The following ROR1 variants were observed in gnomAD, a reference collection of about 807,000 sequenced individuals.
The protein encoded by ROR1 is inactive tyrosine-protein kinase transmembrane receptor ROR1.
A neutral mutation model predicts 78.8 loss-of-function variants in ROR1; 19 were observed. That is an observed-to-expected ratio of 0.24 (90% CI 0.17 to 0.35). The LOEUF (loss-of-function observed/expected upper bound fraction) is 0.35. Among genes scored for constraint, ROR1 ranks in the 10% least tolerant of loss-of-function variants. The pLI is 1.00. For synonymous variants in ROR1, 386 were observed against 433.6 expected, an observed-to-expected ratio of 0.89 and a Z score of 1.36; for missense variants, 917 against 1,177.8, an observed-to-expected ratio of 0.78 and a Z score of 3.24.
chr1:63,905,213 G>C (rs986633727), intron 1 of ROR1, among the ~76,000 whole-genome samples: 2 of 152,110 alleles, frequency 1.3e-5, no homozygotes, highest in South Asian at 4.2e-4. Context: ...TAGTGCAGTT[G>C]AACTAGGAAT....
chr1:63,994,567 G>C (rs76944023), intron 1 of ROR1, among the ~76,000 whole-genome samples: 1 of 152,162 alleles, frequency 6.6e-6, no homozygotes, highest in African/African-American at 2.4e-5. Flanking sequence ...CAATGGAGAA[G>C]GCTTGTGGGG....
chr1:63,861,557 A>T (rs1288907544), intron 1 of ROR1, among the ~76,000 whole-genome samples: 1 of 152,194 alleles, frequency 6.6e-6, no homozygotes, highest in African/African-American at 2.4e-5. Flanking sequence ...TCTGTAGGAA[A>T]TACCACTGCC....
At chr1:64,131,888 G>A (rs898761632) in intron 4 of ROR1, among the ~76,000 whole-genome samples, 4 of 152,068 alleles carry the variant, frequency 2.6e-5, no homozygotes, top group Non-Finnish European at 4.4e-5. Flanking sequence ...CCTAAAGTGC[G>A]GGGATTATAG....
chr1:64,066,451 G>A (rs959626356), intron 4 of ROR1, among the ~76,000 whole-genome samples: 1 of 151,800 alleles, frequency 6.6e-6, no homozygotes, highest in Non-Finnish European at 1.5e-5. Context: ...CCAAGTAGCT[G>A]GGACTACAGG....
chr1:63,888,203 G>GA (rs1013596592), intron 1 of ROR1, among the ~76,000 whole-genome samples: 3 of 152,052 alleles, frequency 2.0e-5, no homozygotes, highest in East Asian at 1.9e-4. Flanking sequence ...TATTTACATA[G>GA]AAAAAAATCT....
intron 1 of ROR1, among the ~76,000 whole-genome samples, chr1:63,989,014 A>G (rs1646273249): frequency 6.6e-6 from 1 of 152,124 alleles, no homozygotes; most frequent in Admixed American, 6.6e-5. Context: ...CCAGAAGTGG[A>G]ATTCCTAGAT....
At chr1:64,014,934 T>G (rs890366093) in intron 2 of ROR1, among the ~76,000 whole-genome samples, 1 of 149,936 alleles carries the variant, frequency 6.7e-6, no homozygotes, top group Non-Finnish European at 1.5e-5. Flanking sequence ...ATGTATCTGT[T>G]ACTGTATTAA....
intron 1 of ROR1, among the ~76,000 whole-genome samples, chr1:63,916,914 C>T (rs1211888068): frequency 6.6e-6 from 1 of 152,228 alleles, no homozygotes; most frequent in Non-Finnish European, 1.5e-5. Flanking sequence ...ATTCTCTCTG[C>T]AGTTGCTCAG....
intron 1 of ROR1, chr1:63,789,421 C>T (rs745405173): frequency 1.3e-5 from 4 of 316,418 alleles, no homozygotes; most frequent in African/African-American, 8.6e-5. Context: ...TGCCTGCTGT[C>T]GGGACTGGGC....
At chr1:63,893,532 G>A (rs1279870851) in intron 1 of ROR1, among the ~76,000 whole-genome samples, 1 of 152,202 alleles carries the variant, frequency 6.6e-6, no homozygotes, top group Non-Finnish European at 1.5e-5. Flanking sequence ...CATTTCAAGA[G>A]TATCCTTCAT....
intron 4 of ROR1, among the ~76,000 whole-genome samples, chr1:64,092,114 TC>T (rs1647203624): frequency 1.5e-5 from 1 of 66,752 alleles, no homozygotes; most frequent in African/African-American, 5.3e-5. Context: ...CCTCCCTCCC[TC>T]CCTCCCTTCC....
intron 1 of ROR1, among the ~76,000 whole-genome samples, chr1:63,944,379 G>A (rs151115482): frequency 1.3e-5 from 2 of 152,314 alleles, no homozygotes; most frequent in African/African-American, 4.8e-5. Context: ...TGCGGAAAGA[G>A]ATCCAATCGG....
chr1:64,065,986 A>G (rs529285759), intron 4 of ROR1, among the ~76,000 whole-genome samples: 2 of 152,338 alleles, frequency 1.3e-5, no homozygotes, highest in Admixed American at 1.3e-4. Flanking sequence ...AACTTGAACA[A>G]TGGTAAAGTC....
intron 1 of ROR1, among the ~76,000 whole-genome samples, chr1:63,795,773 T>A (rs921054974): frequency 6.6e-6 from 1 of 152,238 alleles, no homozygotes; most frequent in African/African-American, 2.4e-5. Flanking sequence ...TGGAATAGCC[T>A]TATCTTCTGC....
intron 2 of ROR1, among the ~76,000 whole-genome samples, chr1:64,031,652 T>A (rs1328829827): frequency 6.6e-6 from 1 of 152,244 alleles, no homozygotes; most frequent in Non-Finnish European, 1.5e-5. Flanking sequence ...GTCTGTGGCA[T>A]CTTATATTTG....
At chr1:64,096,444 G>A (rs1647302786) in intron 4 of ROR1, among the ~76,000 whole-genome samples, 1 of 152,042 alleles carries the variant, frequency 6.6e-6, no homozygotes, top group Admixed American at 6.6e-5. Flanking sequence ...ATGTGTCCAT[G>A]TGTTCTCATC....
intron 1 of ROR1, among the ~76,000 whole-genome samples, chr1:63,836,914 T>C (rs1645021540): frequency 6.6e-6 from 1 of 152,180 alleles, no homozygotes; most frequent in Admixed American, 6.5e-5. Context: ...TAGAGGTACC[T>C]CTTATAGCGA....
Position 64,009,301 on chromosome 1 carries a change from T to G in ROR1, c.92-4T>G. Reference sequence around the variant, plus strand: ...TTTCTCCCTTCCCTTCTTTTTCTTTTCAGAAACAGAGCTGTCAGTCAGTGC... The same window carrying G: ...TTTCTCCCTTCCCTTCTTTTTCTTTGCAGAAACAGAGCTGTCAGTCAGTGC... On this transcript the variant is annotated splice_region_variant and splice_polypyrimidine_tract_variant and intron_variant, in intron 1 of 8. Coordinates refer to ENST00000371079, the MANE Select transcript of ROR1 (RefSeq NM_005012.4). 5 of 1,609,446 alleles carry G rather than the reference T, an allele frequency of 3.1e-6. No individual in the cohort carries two copies. Among genetic ancestry groups the G allele is most frequent in the Non-Finnish European group, 4.3e-6 (5 of 1,175,774 alleles).
intron 1 of ROR1, among the ~76,000 whole-genome samples, chr1:63,902,458 C>G (rs1450115030): frequency 6.6e-6 from 1 of 151,944 alleles, no homozygotes; most frequent in Non-Finnish European, 1.5e-5. Flanking sequence ...GTTGGGACCA[C>G]AGGCACATGC....
Sources: allele counts gnomAD v4.1 joint callset (sites outside exome capture counted in the v4.1 genomes callset), GRCh38; gene constraint gnomAD v4.1.1; transcripts MANE v1.5; gene names NCBI Gene and HGNC (gene_info 2026-07-23, HGNC 2026-07-21).